The following ABL1 variants were observed in gnomAD, a reference collection of about 807,000 sequenced individuals.
ABL1 encodes ABL proto-oncogene 1, non-receptor tyrosine kinase, also known as tyrosine-protein kinase ABL1.
A neutral mutation model predicts 94.7 loss-of-function variants in ABL1; 11 were observed. The observed-to-expected ratio is 0.12, with a 90% CI of 0.07 to 0.19. The LOEUF (loss-of-function observed/expected upper bound fraction) is 0.19. Ranked by LOEUF, ABL1 falls within the 10% of genes least tolerant of loss-of-function variation. The probability of loss-of-function intolerance (pLI) is 1.00; values close to 1 mark genes in which losing one functional copy is unlikely to be tolerated. For synonymous variants in ABL1, 656 were observed against 622.4 expected (o/e 1.05, Z -0.80); for missense variants, 1,082 against 1,489.4 (o/e 0.73, Z 4.50).
At chr9:130,755,876 C>A (rs781474503) in intron 1 of ABL1, among the ~76,000 whole-genome samples, 1 of 152,066 alleles carries the variant, frequency 6.6e-6, no homozygotes, top group Non-Finnish European at 1.5e-5. Context: ...GGTTGGTGGC[C>A]GAGGAGGACG....
Position 130,860,355 on chromosome 9 carries a change from A to C in ABL1, c.550-2408A>C, listed in dbSNP as rs115597248. On this transcript the variant is annotated intron_variant, in intron 3 of 10. Coordinates refer to ENST00000318560, the MANE Select transcript of ABL1 (RefSeq NM_005157.6). ...AATGAACTAAGTCACAACAAGGTCT[A>C]TAAATTTAATTATTGAAAAGGATAA... 5.5e-3 allele frequency among the ~76,000 whole-genome samples: 845 copies of C among 152,318 alleles called. 9 individuals are homozygous for C. Among genetic ancestry groups the C allele is most frequent in the African/African-American group, 0.019 (803 of 41,562 alleles).
At chr9:130,770,487 A>T (rs1271522631) in intron 1 of ABL1, among the ~76,000 whole-genome samples, 1 of 152,236 alleles carries the variant, frequency 6.6e-6, no homozygotes, top group Non-Finnish European at 1.5e-5. Context: ...AGCCTGGGCC[A>T]CAGCATAAGC....
chr9:130,875,002 C>T lies in ABL1; in HGVS notation c.1220C>T (p.Ala407Val), dbSNP rs2133003637. The T allele has an allele frequency of 6.2e-7, 1 of 1,614,240 alleles. No individual in the cohort carries two copies. Reference protein sequence around the residue: ...AGAKFPIKWTAPESLAYNKFS... With the variant: ...AGAKFPIKWTVPESLAYNKFS... ...GCCAAGTTCCCCATCAAATGGACTG[C>T]ACCCGAGAGCCTGGCCTACAACAAG... is the stretch of plus-strand genomic sequence containing the variant. Residue 407 changes from alanine (A) to valine (V), a missense_variant, in exon 7 of 11, where the codon GCA becomes GTA. Around this residue, in one of 7 missense-constraint regions of ABL1, gnomAD observed 76 missense variants for 177.1 expected, o/e 0.43. Transcript: ENST00000318560.
At chr9:130,844,165 C>A (rs35961294) in intron 1 of ABL1, among the ~76,000 whole-genome samples, 3,910 of 152,256 alleles carry the variant, frequency 0.026, 178 homozygotes, top group African/African-American at 0.089. Context: ...GGATTTGAAG[C>A]AAGAGAGTGA....
chr9:130,884,641 C>A lies in ABL1; in HGVS notation c.2351C>A (p.Pro784His). Residue 784 changes from proline (P) to histidine (H), a missense_variant, in exon 11 of 11, where the codon CCC becomes CAC. Physicochemically the swap from Pro to His is moderately conservative, Grantham distance 77. Around this residue, in one of 7 missense-constraint regions of ABL1, gnomAD observed 780 missense variants for 835.8 expected, o/e 0.93. Coordinates refer to ENST00000318560, the MANE Select transcript of ABL1 (RefSeq NM_005157.6). This position sits in a 1 kb window ranked among gnomAD's most constrained non-coding sequence, Gnocchi z 5.6. ...QVTRGTVTPP[P>H]RLVKKNEEAA... The stretch of plus-strand genomic sequence containing the variant: ...ACCCGAGGCACAGTAACGCCTCCCC[C>A]CAGGCTGGTGAAAAAGAATGAGGAA... 6.2e-7 allele frequency: 1 copy of A among 1,613,256 alleles called. No individual in the cohort carries two copies. Among genetic ancestry groups the A allele is most frequent in the Non-Finnish European group, 8.5e-7 (1 of 1,179,988 alleles).
At chr9:130,719,756 A>G (rs1274192331) in intron 1 of ABL1, among the ~76,000 whole-genome samples, 1 of 152,142 alleles carries the variant, frequency 6.6e-6, no homozygotes, top group African/African-American at 2.4e-5. Flanking sequence ...GTTAATATCC[A>G]TGTAGGTTAG....
chr9:130,824,748 T>C (rs1425914542), intron 1 of ABL1, among the ~76,000 whole-genome samples: 1 of 152,188 alleles, frequency 6.6e-6, no homozygotes, highest in Non-Finnish European at 1.5e-5. Flanking sequence ...GCGAGCCCTT[T>C]CCTGCCATCA....
intron 1 of ABL1, among the ~76,000 whole-genome samples, chr9:130,790,715 C>G (rs1194482077): frequency 2.0e-5 from 3 of 151,800 alleles, no homozygotes; most frequent in African/African-American, 7.3e-5. Context: ...CTCAAACACT[C>G]TTTCTGCCTC....
chr9:130,802,095 C>CTTTTTTTTTTTTTTT (rs3085157), intron 1 of ABL1, among the ~76,000 whole-genome samples: 8 of 132,074 alleles, frequency 6.1e-5, no homozygotes, highest in South Asian at 2.4e-4. Context: ...TTCCTTCAGT[C>CTTTTTTTTTTTTTTT]TTTTTTTTTT....
intron 1 of ABL1, among the ~76,000 whole-genome samples, chr9:130,769,329 CTTTTTTTTTTT>C (rs372838676): frequency 9.5e-5 from 8 of 84,292 alleles, no homozygotes; most frequent in African/African-American, 2.3e-4. Context: ...TGGCCCTAGT[CTTTTTTTTTTT>C]TTTTTTTTTT....
chr9:130,794,131 C>A (rs1829944424), intron 1 of ABL1, among the ~76,000 whole-genome samples: 1 of 151,938 alleles, frequency 6.6e-6, no homozygotes, highest in South Asian at 2.1e-4. Context: ...CCAGAACCAC[C>A]CCTCAGTGGC....
chr9:130,812,608 T>G (rs1190002947), intron 1 of ABL1, among the ~76,000 whole-genome samples: 2 of 152,188 alleles, frequency 1.3e-5, no homozygotes, highest in African/African-American at 4.8e-5. Context: ...TATTTCATAA[T>G]AATAAAGAGA....
intron 1 of ABL1, among the ~76,000 whole-genome samples, chr9:130,851,736 C>A (rs1055422810): frequency 1.4e-5 from 2 of 141,912 alleles, no homozygotes; most frequent in African/African-American, 5.2e-5. Context: ...TCCTTCAGTT[C>A]TTTTCAAATT....
intron 1 of ABL1, among the ~76,000 whole-genome samples, chr9:130,791,954 A>T (rs1829913327): frequency 6.6e-6 from 1 of 152,198 alleles, no homozygotes; most frequent in African/African-American, 2.4e-5. Context: ...ACTAAAGAAC[A>T]TCCTCAAGAA....
At chr9:130,838,554 A>G (rs967960565) in intron 1 of ABL1, among the ~76,000 whole-genome samples, 22 of 150,892 alleles carry the variant, frequency 1.5e-4, no homozygotes, top group Admixed American at 1.3e-3. Flanking sequence ...CCTTCTAGAA[A>G]TACTGTGTGC....
chr9:130,886,139 C>T lies in ABL1; in HGVS notation c.*456C>T. 1 of 249,372 alleles carries T rather than the reference C, an allele frequency of 4.0e-6. No homozygotes were observed. The allele number at this position is 249,372 out of a possible 1,614,324, so 15.4% of individuals were successfully genotyped here. On this transcript the variant is annotated 3_prime_UTR_variant, in exon 11 of 11. Transcript: ENST00000318560. ...GAACTGAGGCCTTGTGTGTCAGGCC[C>T]TCTGCCTGCACTCCCTGGCCTTGCC... is the stretch of plus-strand genomic sequence containing the variant.
rs984042838 is a variant in ABL1, at chr9:130,880,448, A to G, written c.1514-52A>G. The G allele has an allele frequency of 6.2e-7, 1 of 1,604,076 alleles. No homozygotes were observed. Among genetic ancestry groups the G allele is most frequent in the African/African-American group, 1.3e-5 (1 of 74,676 alleles). ...AAGAGAACCACCACACCAAGCCAAC[A>G]CCAGTACTGATGGCTGCTGGATTTT... On this transcript the variant is annotated intron_variant, in intron 9 of 10. Coordinates refer to ENST00000318560, the MANE Select transcript of ABL1 (RefSeq NM_005157.6). This position sits in a 1 kb window ranked among gnomAD's most constrained non-coding sequence, Gnocchi z 4.4.
In ABL1 at chr9:130,884,889, A is replaced by G. The variant is rs761063630; in HGVS notation, c.2599A>G (p.Lys867Glu). Reference sequence around the variant, plus strand: ...CTCAGGTGCACCAGGGGGCACCAGCAAGGGCCCCGCCGAGGAGTCCAGAGT... The same window carrying G: ...CTCAGGTGCACCAGGGGGCACCAGCGAGGGCCCCGCCGAGGAGTCCAGAGT... ...AGSGAPGGTS[K>E]GPAEESRVRR... Residue 867 changes from lysine to glutamate, a missense_variant, in exon 11 of 11, where the codon AAG becomes GAG. Physicochemically the swap from Lys to Glu is moderately conservative, Grantham distance 56 (BLOSUM62 1). Transcript: ENST00000318560. The surrounding 1 kb of genome is among the most constrained non-coding windows in gnomAD (Gnocchi z 5.6). The G allele has an allele frequency of 1.9e-6, 3 of 1,609,090 alleles. No homozygotes were observed. Among genetic ancestry groups the G allele is most frequent in the Non-Finnish European group, 2.5e-6 (3 of 1,178,336 alleles).
At chr9:130,721,947 T>G (rs1831520424) in intron 1 of ABL1, among the ~76,000 whole-genome samples, 1 of 150,650 alleles carries the variant, frequency 6.6e-6, no homozygotes, top group Admixed American at 6.6e-5. Context: ...TGCCTCAGCC[T>G]AATTTTTTGT....
Sources: gnomAD v4.1 joint callset for allele counts (sites outside exome capture counted in the v4.1 genomes callset) on GRCh38, gnomAD v4.1.1 for gene constraint, gnomAD v4.1.1 regional missense constraint, Gnocchi (gnomAD v3.1) non-coding constraint, MANE v1.5 for transcripts, NCBI Gene and HGNC (gene_info 2026-07-23, HGNC 2026-07-21) for gene names.